Variants in GPM6A observed in about 807,000 individuals in gnomAD.
GPM6A encodes the protein neuronal membrane glycoprotein M6-a.
Under a neutral mutation model 32.1 loss-of-function variants are expected in GPM6A, and 7 were observed. The observed-to-expected ratio is 0.22, with a 90% confidence interval of 0.12 to 0.41. The LOEUF (loss-of-function observed/expected upper bound fraction) is 0.41. Ranked by LOEUF, GPM6A falls within the 10% of genes least tolerant of loss-of-function variation. GPM6A has a pLI of 1.00. For synonymous variants in GPM6A, 130 were observed against 123.4 expected, an observed-to-expected ratio of 1.05 and a Z score of -0.35; for missense variants, 235 against 347.2, an observed-to-expected ratio of 0.68 and a Z score of 2.57.
At chr4:175,640,284 G>T in intron 5 of GPM6A, 90 bp from the exon 6 acceptor site, 1 of 976,570 alleles carries the variant, frequency 1.0e-6, no homozygotes, top group Non-Finnish European at 1.6e-6. Flanking sequence ...ACAAGACTTT[G>T]TACATCTTAA....
intron 1 of GPM6A, among the ~76,000 whole-genome samples, chr4:175,946,883 C>G (rs936377140): frequency 1.3e-5 from 2 of 152,120 alleles, no homozygotes; most frequent in Non-Finnish European, 2.9e-5. Context: ...CCAAAATATG[C>G]TTATTCACGC....
intron 2 of GPM6A, among the ~76,000 whole-genome samples, chr4:175,675,824 G>A (rs1013836820): frequency 2.0e-5 from 3 of 150,262 alleles, no homozygotes; most frequent in Admixed American, 6.6e-5. Context: ...AAATTTCTTC[G>A]TTTTTTTTGT....
At chr4:175,766,923 G>A (rs1049704025) in intron 1 of GPM6A, among the ~76,000 whole-genome samples, 72 of 151,970 alleles carry the variant, frequency 4.7e-4, no homozygotes, top group African/African-American at 1.5e-3. Flanking sequence ...CTAAAGTGCT[G>A]GGTTTTCAGG....
intron 1 of GPM6A, among the ~76,000 whole-genome samples, chr4:175,930,125 C>T (rs1357990364): frequency 6.6e-6 from 1 of 152,066 alleles, no homozygotes; most frequent in African/African-American, 2.4e-5. Flanking sequence ...ATGCAAGCTC[C>T]AGAGATGAAT....
intron 1 of GPM6A, among the ~76,000 whole-genome samples, chr4:175,794,347 C>A (rs1279052606): frequency 6.6e-6 from 1 of 152,156 alleles, no homozygotes; most frequent in African/African-American, 2.4e-5. Flanking sequence ...ACATGTGAGT[C>A]CTTAATAGAA....
intron 1 of GPM6A, among the ~76,000 whole-genome samples, chr4:175,890,056 C>T (rs919257075): frequency 9.9e-5 from 15 of 152,018 alleles, no homozygotes; most frequent in African/African-American, 3.6e-4. Flanking sequence ...AGTTATATAA[C>T]AAAATAGGCA....
chr4:175,708,096 C>T (rs1393562612), intron 1 of GPM6A, among the ~76,000 whole-genome samples: 1 of 151,878 alleles, frequency 6.6e-6, no homozygotes, highest in Non-Finnish European at 1.5e-5. Context: ...ATTGCTGAGA[C>T]CTTAGAAGTA....
intron 1 of GPM6A, among the ~76,000 whole-genome samples, chr4:175,775,885 A>G (rs576661001): frequency 9.2e-5 from 14 of 152,300 alleles, no homozygotes; most frequent in Admixed American, 3.3e-4. Flanking sequence ...AATCAGCCCA[A>G]TGGAATGAAA....
intron 1 of GPM6A, among the ~76,000 whole-genome samples, chr4:175,988,823 T>C (rs1369936198): frequency 1.3e-5 from 2 of 152,168 alleles, no homozygotes; most frequent in Non-Finnish European, 2.9e-5. Flanking sequence ...TTATACCCAA[T>C]GTAGCGTGAG....
chr4:175,995,376 TA>T (rs10541049), intron 1 of GPM6A, among the ~76,000 whole-genome samples: 7,574 of 96,274 alleles, frequency 0.079, 243 homozygotes, highest in African/African-American at 0.16. Context: ...TTTCAATTTG[TA>T]AAAAAAAAAA....
intron 1 of GPM6A, among the ~76,000 whole-genome samples, chr4:175,989,000 T>C (rs139276961): frequency 3.2e-4 from 49 of 152,282 alleles, no homozygotes; most frequent in African/African-American, 1.2e-3. Context: ...CAGCTACTTG[T>C]ACCCCAATTC....
chr4:175,982,414 T>C (rs1391330232), intron 1 of GPM6A, among the ~76,000 whole-genome samples: 1 of 152,154 alleles, frequency 6.6e-6, no homozygotes, highest in East Asian at 1.9e-4. Flanking sequence ...TGAGTTAATG[T>C]CTTTATAATG....
intron 4 of GPM6A, among the ~76,000 whole-genome samples, chr4:175,644,561 T>G (rs1741345366): frequency 6.6e-6 from 1 of 151,940 alleles, no homozygotes; most frequent in Admixed American, 6.6e-5. Context: ...GTGAATAATA[T>G]GAAGCTCTAG....
intron 1 of GPM6A, among the ~76,000 whole-genome samples, chr4:175,859,582 G>C (rs540249565): frequency 6.6e-6 from 1 of 152,254 alleles, no homozygotes; most frequent in South Asian, 2.1e-4. Context: ...ACAGAAAGGT[G>C]AATGTCCTTC....
At chr4:175,919,667 CCTT>C (rs1389025657) in intron 1 of GPM6A, among the ~76,000 whole-genome samples, 2 of 152,168 alleles carry the variant, frequency 1.3e-5, no homozygotes, top group Non-Finnish European at 2.9e-5. Context: ...TCCATTCTCT[CCTT>C]CTCTCTCACA....
intron 1 of GPM6A, among the ~76,000 whole-genome samples, chr4:175,842,379 G>GT (rs1036931695): frequency 1.3e-5 from 2 of 151,878 alleles, no homozygotes; most frequent in Non-Finnish European, 2.9e-5. Flanking sequence ...ACTGTTATCA[G>GT]TTTTTTTTAA....
At chr4:175,731,981 T>TC (rs1731454053) in intron 1 of GPM6A, among the ~76,000 whole-genome samples, 1 of 150,932 alleles carries the variant, frequency 6.6e-6, no homozygotes, top group African/African-American at 2.4e-5. Context: ...TTTTTTTTTT[T>TC]TTCGTGACAG....
chr4:175,908,305 A>C (rs1164727274), intron 1 of GPM6A, among the ~76,000 whole-genome samples: 1 of 152,128 alleles, frequency 6.6e-6, no homozygotes, highest in African/African-American at 2.4e-5. Context: ...TGTCATGCCT[A>C]TGAATGGGGC....
At chr4:175,755,061 G>A (rs981270918) in intron 1 of GPM6A, among the ~76,000 whole-genome samples, 1 of 151,926 alleles carries the variant, frequency 6.6e-6, no homozygotes, top group Non-Finnish European at 1.5e-5. Context: ...ATTTTTTTGT[G>A]TAATTTGAAC....
Sources: gnomAD v4.1 joint callset for allele counts (sites outside exome capture counted in the v4.1 genomes callset) on GRCh38, gnomAD v4.1.1 for gene constraint, MANE v1.5 for transcripts, NCBI Gene and HGNC (gene_info 2026-07-23, HGNC 2026-07-21) for gene names.